EEF2K: variants seen among roughly 807,000 people sequenced by gnomAD.
The protein encoded by EEF2K is alternative protein EEF2K.
A neutral mutation model predicts 93.8 loss-of-function variants in EEF2K; 70 were observed. The observed-to-expected ratio is 0.75, with a 90% CI of 0.62 to 0.91. The LOEUF is 0.91. EEF2K is among the 40% of genes least tolerant of loss of function. The pLI is 0.00. For synonymous variants in EEF2K, 376 were observed against 380.8 expected (o/e 0.99, Z 0.15); for missense variants, 935 against 972.9 (o/e 0.96, Z 0.52).
intron 7 of EEF2K, 121 bp from the exon 8 acceptor site, chr16:22,257,132 T>A: frequency 6.5e-7 from 1 of 1,532,126 alleles, no homozygotes; most frequent in Non-Finnish European, 8.8e-7. Context: ...TTTTCCTTTG[T>A]CTTTTCCTCT....
intron 2 of EEF2K, among the ~76,000 whole-genome samples, chr16:22,229,462 C>G (rs2047095099): frequency 1.3e-5 from 2 of 152,092 alleles, no homozygotes; most frequent in Admixed American, 1.3e-4. Context: ...CGCCTGTAAT[C>G]CCAGCACGGG....
intron 1 of EEF2K, among the ~76,000 whole-genome samples, chr16:22,208,361 A>G (rs2046884280): frequency 6.6e-6 from 1 of 151,798 alleles, no homozygotes; most frequent in East Asian, 1.9e-4. Context: ...CATCTCTACT[A>G]AAAATACAAA....
chr16:22,274,711 AGTCCTCCC>A (rs1292499607), intron 16 of EEF2K, among the ~76,000 whole-genome samples: 1 of 152,034 alleles, frequency 6.6e-6, no homozygotes, highest in African/African-American at 2.4e-5. Flanking sequence ...GGGCTCAAGC[AGTCCTCCC>A]GCCTCAGCCT....
At chr16:22,253,735 T>A (rs773501506) in intron 6 of EEF2K, among the ~76,000 whole-genome samples, 1 of 151,910 alleles carries the variant, frequency 6.6e-6, no homozygotes, top group Non-Finnish European at 1.5e-5. Flanking sequence ...GGTGCTTCTC[T>A]CCCCTAAAGG....
intron 1 of EEF2K, among the ~76,000 whole-genome samples, chr16:22,212,816 T>C (rs2046927725): frequency 6.6e-6 from 1 of 151,624 alleles, no homozygotes; most frequent in East Asian, 2.0e-4. Flanking sequence ...TACAAAAAAT[T>C]TTTTAAAATA....
intron 17 of EEF2K, among the ~76,000 whole-genome samples, chr16:22,282,527 G>A (rs1363133517): frequency 6.6e-6 from 1 of 152,188 alleles, no homozygotes; most frequent in African/African-American, 2.4e-5. Flanking sequence ...TCAAGAGGTG[G>A]GACTGTTAAG....
chr16:22,256,761 A>C lies in EEF2K; in HGVS notation c.632A>C (p.Gln211Pro). ...HKPPKQVDIM[Q>P]MCIIELKDRP... is the part of the protein sequence containing the mutation. ...CCATCCCACCAGGTGGACATCATGC[A>C]GATGTGCATCATCGAGCTGAAGGAC... Residue 211 changes from glutamine to proline, a missense_variant, in exon 7 of 18, where the codon CAG becomes CCG. By Grantham distance (76) the Gln-to-Pro change is moderately conservative. Transcript: ENST00000263026. 1 of 1,613,978 alleles carries C rather than the reference A, an allele frequency of 6.2e-7. No individual in the cohort carries two copies.
intron 3 of EEF2K, among the ~76,000 whole-genome samples, chr16:22,247,037 C>CAAAAAAAAAA (rs57073413): frequency 2.2e-4 from 3 of 13,700 alleles, no homozygotes; most frequent in Non-Finnish European, 5.0e-4. Flanking sequence ...GACTCCATCT[C>CAAAAAAAAAA]AAAAAAAAAA....
chr16:22,255,331 G>A (rs902316878), intron 6 of EEF2K, among the ~76,000 whole-genome samples: 1 of 152,188 alleles, frequency 6.6e-6, no homozygotes, highest in South Asian at 2.1e-4. Context: ...GTGGCTTGGG[G>A]TAGGCTTGTT....
At chr16:22,280,046 CAT>C (rs2047677246) in intron 16 of EEF2K, 150 bp from the exon 17 acceptor site, 4 of 566,424 alleles carry the variant, frequency 7.1e-6, no homozygotes, top group Non-Finnish European at 8.4e-6. Flanking sequence ...GAAGGTGCCT[CAT>C]AGATGTATTG....
rs2047265183 is a variant in EEF2K at position 22,244,555 on chromosome 16, C to T, written c.247-75C>T. The T allele has an allele frequency of 4.3e-6, 6 of 1,395,056 alleles. No individual in the cohort carries two copies. The Admixed American group carries it at 1.0e-4, about 24-fold the overall frequency. The allele number at this position is 1,395,056 out of a possible 1,614,324, so 86.4% of individuals were successfully genotyped here. Reference sequence around the variant, plus strand: ...TGCCTCTCCAGAGGAAATAACAGGGCAGGAGGAGTCCACGCTGTCCCCAAA... The same window carrying T: ...TGCCTCTCCAGAGGAAATAACAGGGTAGGAGGAGTCCACGCTGTCCCCAAA... On this transcript the variant is annotated intron_variant, in intron 2 of 17. Coordinates refer to ENST00000263026, the MANE Select transcript of EEF2K (RefSeq NM_013302.5).
At position 22,283,969 on chromosome 16, in the gene EEF2K, A is replaced by G. The variant is rs1298517837; in HGVS notation, c.2151A>G (p.Glu717=). ...RLANQYYQKA[E]EAWAQMEE is the part of the protein sequence containing the mutation. The stretch of plus-strand genomic sequence containing the variant: ...CCAACCAGTACTACCAAAAGGCTGA[A>G]GAGGCCTGGGCCCAGATGGAGGAGT... The change falls in exon 18 of 18, where the codon GAA becomes GAG. Residue 717 remains glutamate (E), a synonymous_variant. Transcript: ENST00000263026. The G allele has an allele frequency of 1.3e-6, 2 of 1,588,316 alleles. No homozygotes were observed. Among genetic ancestry groups the G allele is most frequent in the Admixed American group, 1.8e-5 (1 of 55,932 alleles).
At chr16:22,258,745 A>AG in intron 10 of EEF2K, 50 bp downstream of exon 10, 1 of 1,609,280 alleles carries the variant, frequency 6.2e-7, no homozygotes, top group Non-Finnish European at 8.5e-7. Flanking sequence ...GGACAGGTGG[A>AG]GCAGAGCTAA....
intron 1 of EEF2K, among the ~76,000 whole-genome samples, chr16:22,215,850 G>A (rs1270769912): frequency 2.6e-5 from 4 of 152,238 alleles, no homozygotes; most frequent in South Asian, 2.1e-4. Context: ...ACTTGAATCC[G>A]GGAGGCGGAG....
intron 3 of EEF2K, among the ~76,000 whole-genome samples, chr16:22,246,882 AC>A (rs1234775348): frequency 6.6e-6 from 1 of 151,436 alleles, no homozygotes; most frequent in Non-Finnish European, 1.5e-5. Flanking sequence ...TACTAAAAAT[AC>A]AAAAATTAGT....
At chr16:22,270,512 A>G (rs1476818103) in intron 15 of EEF2K, among the ~76,000 whole-genome samples, 1 of 152,024 alleles carries the variant, frequency 6.6e-6, no homozygotes, top group Non-Finnish European at 1.5e-5. Flanking sequence ...TCAGCCTCCC[A>G]AAGTGCTGGA....
chr16:22,237,595 G>C (rs554097281), intron 2 of EEF2K, among the ~76,000 whole-genome samples: 1 of 148,728 alleles, frequency 6.7e-6, no homozygotes. Context: ...TGCAGGCTGC[G>C]CAACAGAGTG....
At chr16:22,248,955 T>A in intron 4 of EEF2K, 140 bp downstream of exon 4, 1 of 894,940 alleles carries the variant, frequency 1.1e-6, no homozygotes, top group Non-Finnish European at 1.7e-6. Context: ...ATTGTTTATT[T>A]ATTGGTTGTA....
At chr16:22,221,424 T>C (rs965080112) in intron 1 of EEF2K, among the ~76,000 whole-genome samples, 2 of 151,714 alleles carry the variant, frequency 1.3e-5, no homozygotes, top group East Asian at 3.9e-4. Flanking sequence ...CAGTGAGCTG[T>C]GATCACACCA....
Sources: gnomAD v4.1 joint callset for allele counts (sites outside exome capture counted in the v4.1 genomes callset) on GRCh38, gnomAD v4.1.1 for gene constraint, MANE v1.5 for transcripts, NCBI Gene and HGNC (gene_info 2026-07-23, HGNC 2026-07-21) for gene names.